Variants in MTUS2 observed in about 807,000 individuals in gnomAD.
MTUS2 encodes microtubule associated scaffold protein 2.
In MTUS2, 40 loss-of-function variants were observed where a neutral mutation model predicts 114.1. The observed-to-expected ratio is 0.35, with a 90% confidence interval of 0.27 to 0.46. The LOEUF is 0.46. MTUS2 is among the 20% of genes least tolerant of loss of function. The pLI, the probability that MTUS2 is intolerant of heterozygous loss-of-function variation, is 1.00. For missense variants in MTUS2, 1,679 were observed against 1,705.4 expected (o/e 0.98, Z 0.27); for synonymous variants, 688 against 672.0 (o/e 1.02, Z -0.37).
intron 5 of MTUS2, chr13:29,242,559 G>C (rs755505181): frequency 6.4e-6 from 1 of 156,720 alleles, no homozygotes; most frequent in Non-Finnish European, 1.4e-5. Flanking sequence ...TGTCTCCTCT[G>C]AATTATCTGT....
intron 6 of MTUS2, among the ~76,000 whole-genome samples, chr13:29,311,184 C>T (rs892865443): frequency 3.9e-5 from 6 of 152,124 alleles, no homozygotes; most frequent in South Asian, 2.1e-4. Flanking sequence ...ATATTGTTAC[C>T]GCCACAGGTG....
At chr13:29,282,825 T>G (rs970146349) in intron 6 of MTUS2, among the ~76,000 whole-genome samples, 3 of 152,236 alleles carry the variant, frequency 2.0e-5, no homozygotes, top group Non-Finnish European at 2.9e-5. Context: ...TTTCTACATG[T>G]TGCTTTCCTT....
chr13:28,959,553 T>C (rs1242051877), intron 2 of MTUS2, among the ~76,000 whole-genome samples: 1 of 151,950 alleles, frequency 6.6e-6, no homozygotes, highest in Non-Finnish European at 1.5e-5. Context: ...AGTGTCAGCA[T>C]CTGCTTTTGG....
intron 4 of MTUS2, among the ~76,000 whole-genome samples, chr13:29,037,289 T>C (rs1170091291): frequency 6.6e-6 from 1 of 152,240 alleles, no homozygotes; most frequent in East Asian, 1.9e-4. Flanking sequence ...TGGCTGGATA[T>C]GAAATTCTGG....
chr13:29,410,813 T>TTTTGTTTG (rs58667275), intron 8 of MTUS2, among the ~76,000 whole-genome samples: 1,738 of 150,490 alleles, frequency 0.012, 20 homozygotes, highest in East Asian at 0.078. Context: ...ACACTATTGG[T>TTTTGTTTG]TTTGTTTGTT....
At chr13:29,179,094 T>C (rs570386545) in intron 5 of MTUS2, among the ~76,000 whole-genome samples, 29 of 152,324 alleles carry the variant, frequency 1.9e-4, no homozygotes, top group African/African-American at 7.0e-4. Context: ...GCACTTTATT[T>C]GTGTCCATTG....
intron 9 of MTUS2, among the ~76,000 whole-genome samples, chr13:29,452,581 T>TA (rs1428981715): frequency 6.3e-4 from 74 of 116,596 alleles, no homozygotes; most frequent in Non-Finnish European, 1.0e-3. Flanking sequence ...TATATGTGTG[T>TA]GTGTGTGTGT....
rs139420344 is a variant in MTUS2 at position 29,324,655 on chromosome 13, C to T, written c.2849C>T (p.Pro950Leu). 5.3e-4 allele frequency: 845 copies of T among 1,597,010 alleles called. No individual in the cohort carries two copies. The highest frequency in any genetic ancestry group is 8.2e-4 in the Admixed American group (47 of 57,520). Residue 950 changes from proline to leucine, a missense_variant, in exon 7 of 16, where the codon CCT becomes CTT. Coordinates refer to ENST00000612955, the MANE Select transcript of MTUS2 (RefSeq NM_001033602.4). ...CAGAAAGATCAAGATACGAATAAAC[C>T]TGCTGTTTCATCTCCTAAGAGAGTA... The part of the protein sequence containing the change: ...DAQKDQDTNK[P>L]AVSSPKRVAA...
Position 29,439,169 on chromosome 13 carries a change from A to G in MTUS2, c.3118-814A>G, listed in dbSNP as rs536843396. Among the ~76,000 whole-genome samples the G allele has an allele frequency of 1.7e-4, 26 of 152,358 alleles. No homozygotes were observed. The South Asian group carries it at 4.1e-3, about 24-fold the overall frequency. On this transcript the variant is annotated intron_variant, in intron 8 of 15. Coordinates refer to ENST00000612955, the MANE Select transcript of MTUS2 (RefSeq NM_001033602.4). Reference sequence around the variant, plus strand: ...GAAGGCCTGTAGTTTTGGTATCTCAAACTTGAAGAGAATTTATATAGCACA... The same window carrying G: ...GAAGGCCTGTAGTTTTGGTATCTCAGACTTGAAGAGAATTTATATAGCACA...
At chr13:29,135,644 A>AT (rs983522523) in intron 5 of MTUS2, among the ~76,000 whole-genome samples, 34 of 148,304 alleles carry the variant, frequency 2.3e-4, no homozygotes, top group Middle Eastern at 3.4e-3. Flanking sequence ...TGTTTAGGTG[A>AT]TTTTTTTTTT....
chr13:29,404,364 A>G (rs748334356), intron 8 of MTUS2, among the ~76,000 whole-genome samples: 1 of 151,570 alleles, frequency 6.6e-6, no homozygotes, highest in Non-Finnish European at 1.5e-5. Context: ...AAAAACAAAA[A>G]CAAAAAGTTA....
intron 5 of MTUS2, among the ~76,000 whole-genome samples, chr13:29,264,417 C>T (rs564249262): frequency 2.0e-5 from 3 of 152,342 alleles, no homozygotes; most frequent in Non-Finnish European, 2.9e-5. Context: ...TGGAGGATGG[C>T]GGCCCCCTTC....
At chr13:28,991,883 G>C (rs1429704361) in intron 2 of MTUS2, among the ~76,000 whole-genome samples, 3 of 152,128 alleles carry the variant, frequency 2.0e-5, no homozygotes, top group Admixed American at 6.5e-5. Flanking sequence ...GATGTCAAGG[G>C]TTTCTTAGGA....
intron 2 of MTUS2, among the ~76,000 whole-genome samples, chr13:28,980,546 A>G (rs1884313697): frequency 1.3e-5 from 2 of 152,196 alleles, no homozygotes; most frequent in African/African-American, 4.8e-5. Context: ...ACTTAAGGGT[A>G]CATCCTAGAG....
intron 5 of MTUS2, among the ~76,000 whole-genome samples, chr13:29,241,964 T>G (rs1353687160): frequency 6.6e-6 from 1 of 152,194 alleles, no homozygotes; most frequent in Non-Finnish European, 1.5e-5. Flanking sequence ...TCCTGCCCGC[T>G]CACCCTGGCA....
chr13:29,013,787 C>G (rs1037927646), intron 2 of MTUS2, among the ~76,000 whole-genome samples: 1 of 152,240 alleles, frequency 6.6e-6, no homozygotes, highest in Non-Finnish European at 1.5e-5. Flanking sequence ...CACACACATA[C>G]GTGCACAGGC....
chr13:28,999,374 A>G (rs971590674), intron 2 of MTUS2, among the ~76,000 whole-genome samples: 8 of 152,292 alleles, frequency 5.3e-5, no homozygotes, highest in Admixed American at 1.3e-4. Flanking sequence ...CCATTCTCAG[A>G]TCTCAAGTTA....
intron 7 of MTUS2, among the ~76,000 whole-genome samples, chr13:29,336,280 A>G (rs1901058535): frequency 1.3e-5 from 2 of 148,912 alleles, no homozygotes; most frequent in Non-Finnish European, 2.9e-5. Flanking sequence ...TCATAGATTT[A>G]TCTACCTTTG....
intron 6 of MTUS2, among the ~76,000 whole-genome samples, chr13:29,301,264 T>G (rs772240403): frequency 6.6e-6 from 1 of 152,178 alleles, no homozygotes; most frequent in African/African-American, 2.4e-5. Context: ...TGCCCTTTTG[T>G]GTAGGCCTGG....
Sources: gnomAD v4.1 joint callset for allele counts (sites outside exome capture counted in the v4.1 genomes callset) on GRCh38, gnomAD v4.1.1 for gene constraint, MANE v1.5 for transcripts, NCBI Gene and HGNC (gene_info 2026-07-23, HGNC 2026-07-21) for gene names.